Variants in CEP70 observed in about 807,000 individuals in gnomAD.
The protein encoded by CEP70 is centrosomal protein 70, also known as centrosomal protein of 70 kDa.
A neutral mutation model predicts 90.9 loss-of-function variants in CEP70; 70 were observed. The observed-to-expected ratio is 0.77, with a 90% CI of 0.64 to 0.94. CEP70 has a LOEUF of 0.94. Among genes scored for constraint, CEP70 ranks in the 40% least tolerant of loss-of-function variants. The pLI is 0.00. For synonymous variants in CEP70, 220 were observed against 228.3 expected, an observed-to-expected ratio of 0.96 and a Z score of 0.33; for missense variants, 648 against 669.0, an observed-to-expected ratio of 0.97 and a Z score of 0.35.
chr3:138,591,013 C>A (rs192511323), intron 2 of CEP70, among the ~76,000 whole-genome samples: 3 of 151,956 alleles, frequency 2.0e-5, no homozygotes, highest in African/African-American at 7.3e-5. Flanking sequence ...TTTCATTTTA[C>A]GCTAAAAAGA....
chr3:138,588,852 C>T (rs774094727), intron 2 of CEP70, among the ~76,000 whole-genome samples: 12 of 152,194 alleles, frequency 7.9e-5, no homozygotes, highest in Non-Finnish European at 1.5e-4. Flanking sequence ...AGCAGGTGAA[C>T]AGACACACAA....
chr3:138,538,567 A>G (rs541162070), intron 6 of CEP70, among the ~76,000 whole-genome samples: 1 of 152,336 alleles, frequency 6.6e-6, no homozygotes, highest in East Asian at 1.9e-4. Context: ...CCAGACAGTG[A>G]AAACTGAAAT....
At chr3:138,584,461 C>A (rs1390413080) in intron 2 of CEP70, among the ~76,000 whole-genome samples, 331 of 91,820 alleles carry the variant, frequency 3.6e-3, no homozygotes, top group Middle Eastern at 0.013. Context: ...AAAGACATAT[C>A]AAAAAAAAAA....
intron 6 of CEP70, among the ~76,000 whole-genome samples, chr3:138,549,248 C>T (rs182124420): frequency 9.9e-5 from 15 of 151,234 alleles, no homozygotes; most frequent in African/African-American, 1.7e-4. Flanking sequence ...ATTTGAGAAG[C>T]GGGGAGGCAC....
At chr3:138,554,849 ACT>A (rs1042121966) in intron 6 of CEP70, among the ~76,000 whole-genome samples, 4 of 152,020 alleles carry the variant, frequency 2.6e-5, no homozygotes, top group Admixed American at 6.5e-5. Flanking sequence ...ATTTTTTCCC[ACT>A]CTGTGGGTTG....
chr3:138,530,667 T>A (rs1246531139), intron 8 of CEP70: 1 of 985,316 alleles, frequency 1.0e-6, no homozygotes, highest in Non-Finnish European at 1.2e-6. Flanking sequence ...CTCTGCTTCC[T>A]GTTTATCCTA....
chr3:138,530,584 G>A (rs888082591), intron 8 of CEP70: 35 of 985,318 alleles, frequency 3.6e-5, no homozygotes, highest in African/African-American at 8.7e-5. Flanking sequence ...TTGCCACTGC[G>A]AGAGGCCCAT....
intron 6 of CEP70, among the ~76,000 whole-genome samples, chr3:138,546,019 T>C (rs2039166720): frequency 6.6e-6 from 1 of 152,200 alleles, no homozygotes; most frequent in Admixed American, 6.5e-5. Flanking sequence ...GTGATCTTTA[T>C]TGCCCTTTAA....
chr3:138,541,827 G>A (rs889225984), intron 6 of CEP70, among the ~76,000 whole-genome samples: 1 of 152,184 alleles, frequency 6.6e-6, no homozygotes, highest in African/African-American at 2.4e-5. Flanking sequence ...TTTGAGACCA[G>A]CCAGGGCAAT....
chr3:138,584,414 C>A (rs1475652166), intron 2 of CEP70, among the ~76,000 whole-genome samples: 7 of 142,966 alleles, frequency 4.9e-5, no homozygotes, highest in South Asian at 2.2e-4. Flanking sequence ...CAAACTCATT[C>A]TATGAGGCCA....
At chr3:138,585,981 T>C (rs1560466445) in intron 2 of CEP70, among the ~76,000 whole-genome samples, 2 of 152,154 alleles carry the variant, frequency 1.3e-5, no homozygotes, top group African/African-American at 4.8e-5. Context: ...AAAGATTTCT[T>C]GAGTAATATA....
chr3:138,581,301 GA>G (rs1560458559), intron 2 of CEP70, among the ~76,000 whole-genome samples: 2 of 150,016 alleles, frequency 1.3e-5, no homozygotes, highest in African/African-American at 4.9e-5. Context: ...AAAAAAGAAA[GA>G]AAAGAAAAAA....
At chr3:138,570,124 A>G (rs2041063218) in intron 6 of CEP70, among the ~76,000 whole-genome samples, 194 bp downstream of exon 6, 1 of 152,130 alleles carries the variant, frequency 6.6e-6, no homozygotes, top group South Asian at 2.1e-4. Context: ...CAGCAAAAGA[A>G]ATTAGAGAAT....
In CEP70 at chr3:138,562,129, A is replaced by G. The variant is rs2040455116; in HGVS notation, c.465+8189T>C. On this transcript the variant is annotated intron_variant, in intron 6 of 17. Transcript: ENST00000264982. ...AGAGATTGAAGATCAACTTAATGAA[A>G]TAAAGCGAGAAAACAAGATTAGAGA... Among the ~76,000 whole-genome samples, 6 of 152,104 alleles carry G rather than the reference A, an allele frequency of 3.9e-5. 1 individual carries two copies. The South Asian group carries it at 1.2e-3, about 32-fold the overall frequency.
chr3:138,568,152 G>A (rs2040916301), intron 6 of CEP70, among the ~76,000 whole-genome samples: 1 of 152,032 alleles, frequency 6.6e-6, no homozygotes, highest in Non-Finnish European at 1.5e-5. Flanking sequence ...ATGGGTGACT[G>A]AAGCATGAAA....
chr3:138,564,280 T>A (rs1256005404), intron 6 of CEP70, among the ~76,000 whole-genome samples: 1 of 152,218 alleles, frequency 6.6e-6, no homozygotes, highest in Admixed American at 6.5e-5. Flanking sequence ...AAAGAGGAGC[T>A]GGTACCTTTC....
At chr3:138,537,401 A>T in intron 6 of CEP70, 54 bp from the exon 7 acceptor site, 1 of 1,250,522 alleles carries the variant, frequency 8.0e-7, no homozygotes, top group Non-Finnish European at 1.1e-6. Flanking sequence ...AGGACATGCT[A>T]TCCTAACAGT....
rs1576713514 is a variant in CEP70, at chr3:138,537,476, G to A, written c.466-129C>T. Reference sequence around the variant, plus strand: ...TTTCATTCAAGAACTTCAGTATTGAGGCTGTTTTTAAATGAGTATAAGCTC... The same window carrying A: ...TTTCATTCAAGAACTTCAGTATTGAAGCTGTTTTTAAATGAGTATAAGCTC... On this transcript the variant is annotated intron_variant, in intron 6 of 17. Coordinates refer to ENST00000264982, the MANE Select transcript of CEP70 (RefSeq NM_024491.4). 7.4e-6 allele frequency: 4 copies of A among 539,484 alleles called. No individual in the cohort carries two copies. In the East Asian group the frequency reaches 1.3e-4, roughly 18 times the overall value. The allele number at this position is 539,484 out of a possible 1,614,324, so 33.4% of individuals were successfully genotyped here. A position where few individuals can be genotyped will look rare whatever the true frequency, so the allele number is the denominator to read the frequency against.
chr3:138,506,462 G>A (rs752208410), intron 12 of CEP70, among the ~76,000 whole-genome samples: 2 of 151,816 alleles, frequency 1.3e-5, no homozygotes, highest in Admixed American at 6.6e-5. Flanking sequence ...CATATCATCC[G>A]AGGAAAAAAA....
Sources: allele counts gnomAD v4.1 joint callset (sites outside exome capture counted in the v4.1 genomes callset), GRCh38; gene constraint gnomAD v4.1.1; transcripts MANE v1.5; gene names NCBI Gene and HGNC (gene_info 2026-07-23, HGNC 2026-07-21).